The following PARD3 variants were observed in gnomAD, a reference collection of about 807,000 sequenced individuals.
PARD3 encodes par-3 family cell polarity regulator.
A neutral mutation model predicts 155.4 loss-of-function variants in PARD3; 75 were observed. That is an observed-to-expected ratio of 0.48 (90% CI 0.40 to 0.58). The LOEUF is 0.58. Ranked by LOEUF, PARD3 falls within the 20% of genes least tolerant of loss-of-function variation. The pLI, the probability that PARD3 is intolerant of heterozygous loss-of-function variation, is 0.00. For synonymous variants in PARD3, 576 were observed against 610.5 expected (o/e 0.94, Z 0.83); for missense variants, 1,642 against 1,721.7 (o/e 0.95, Z 0.82).
chr10:34,111,020 T>C lies in PARD3; in HGVS notation c.*149A>G, dbSNP rs911903377. The C allele has an allele frequency of 1.1e-5, 9 of 797,830 alleles. No individual in the cohort carries two copies. Among genetic ancestry groups the C allele is most frequent in the Non-Finnish European group, 1.7e-5 (9 of 520,746 alleles). 49.4% of individuals were successfully genotyped at this position (797,830 alleles called of 1,614,324 possible). A position where few individuals can be genotyped will look rare whatever the true frequency, so the allele number is the denominator to read the frequency against. ...GTGGCAAAGACATTAAGGCCTTCCA[T>C]TTCTTTGCCTACACCGCTTAAAGGC... On this transcript the variant is annotated 3_prime_UTR_variant, in exon 25 of 25. Transcript: ENST00000374788.
intron 22 of PARD3, among the ~76,000 whole-genome samples, chr10:34,199,381 C>T (rs1951102491): frequency 6.6e-6 from 1 of 152,140 alleles, no homozygotes; most frequent in Non-Finnish European, 1.5e-5. Flanking sequence ...GGTGACAGGG[C>T]TTAGCCTGGA....
intron 2 of PARD3, among the ~76,000 whole-genome samples, chr10:34,635,272 G>A (rs2092426848): frequency 6.6e-6 from 1 of 152,234 alleles, no homozygotes; most frequent in Non-Finnish European, 1.5e-5. Flanking sequence ...TAAAGGCATA[G>A]GATTTCAAAT....
At position 34,269,677 on chromosome 10, in the gene PARD3, G is replaced by T. The variant is rs75826066; in HGVS notation, c.3399C>A (p.Ser1133=). The T allele has an allele frequency of 6.2e-7, 1 of 1,613,992 alleles. No individual in the cohort carries two copies. Among genetic ancestry groups the T allele is most frequent in the South Asian group, 1.1e-5 (1 of 91,070 alleles). The change falls in exon 22 of 25, where the codon TCC becomes TCA. Residue 1133 remains serine (S), a synonymous_variant. Coordinates refer to ENST00000374788, the MANE Select transcript of PARD3 (RefSeq NM_001184785.2). ...CCTACCTGTCTACAGGTGAGGGTTT[G>T]GAATTCCGCGGCTTCTTGACTTGGG... is the stretch of plus-strand genomic sequence containing the variant. The part of the protein sequence containing the change: ...LYAQVKKPRN[S]KPSPVDSNRS...
At chr10:34,343,924 CCA>C in intron 15 of PARD3, 3 of 981,044 alleles carry the variant, frequency 3.1e-6, no homozygotes, top group Non-Finnish European at 3.6e-6. Context: ...GAAGGTAACA[CCA>C]CACATGATAC....
At chr10:34,792,281 C>T (rs544067415) in intron 1 of PARD3, among the ~76,000 whole-genome samples, 4 of 152,114 alleles carry the variant, frequency 2.6e-5, no homozygotes, top group African/African-American at 4.8e-5. Context: ...TACAAGGTCT[C>T]GCTGTGTTGC....
intron 2 of PARD3, among the ~76,000 whole-genome samples, chr10:34,564,951 T>G: frequency 6.6e-6 from 1 of 152,172 alleles, no homozygotes. Context: ...ATTTTAGAGA[T>G]GGGTAAACTG....
chr10:34,335,998 CTATTTAG>C, intron 18 of PARD3, among the ~76,000 whole-genome samples, 194 bp downstream of exon 18: 1 of 152,142 alleles, frequency 6.6e-6, no homozygotes, highest in African/African-American at 2.4e-5. Flanking sequence ...AATCATATTA[CTATTTAG>C]TAAGTACACC....
At chr10:34,709,778 C>T (rs1400935743) in intron 1 of PARD3, among the ~76,000 whole-genome samples, 1 of 152,120 alleles carries the variant, frequency 6.6e-6, no homozygotes, top group African/African-American at 2.4e-5. Flanking sequence ...CATCCCGGGG[C>T]CTCCTATCTC....
chr10:34,393,735 A>G (rs1843058315), intron 7 of PARD3, among the ~76,000 whole-genome samples: 1 of 152,112 alleles, frequency 6.6e-6, no homozygotes, highest in East Asian at 1.9e-4. Flanking sequence ...TACTTAATTA[A>G]TTAATTTAAA....
At chr10:34,211,360 CAGTT>C (rs1255656638) in intron 22 of PARD3, among the ~76,000 whole-genome samples, 1 of 152,136 alleles carries the variant, frequency 6.6e-6, no homozygotes, top group Admixed American at 6.5e-5. Flanking sequence ...TTTCAGATCA[CAGTT>C]AGGCCAGCGG....
At chr10:34,397,501 T>G (rs1843450874) in intron 7 of PARD3, among the ~76,000 whole-genome samples, 1 of 152,234 alleles carries the variant, frequency 6.6e-6, no homozygotes, top group African/African-American at 2.4e-5. Context: ...ATAAAAGAAC[T>G]TCTAGTTCTG....
rs551837902 is a variant in PARD3 at position 34,482,654 on chromosome 10, C to T, written c.404-12391G>A. On this transcript the variant is annotated intron_variant, in intron 3 of 24. Coordinates refer to ENST00000374788, the MANE Select transcript of PARD3 (RefSeq NM_001184785.2). Reference sequence around the variant, plus strand: ...TTACATACCTGGTACCAGAGACTTTCACTGAGAGAATATTATGGAATTATT... The same window carrying T: ...TTACATACCTGGTACCAGAGACTTTTACTGAGAGAATATTATGGAATTATT... Among the ~76,000 whole-genome samples the T allele has an allele frequency of 2.6e-4, 39 of 152,226 alleles. No homozygotes were observed. In the East Asian group the frequency reaches 7.3e-3, roughly 29 times the overall value.
At chr10:34,751,943 CCT>C (rs1836089358) in intron 1 of PARD3, among the ~76,000 whole-genome samples, 1 of 152,006 alleles carries the variant, frequency 6.6e-6, no homozygotes, top group Non-Finnish European at 1.5e-5. Flanking sequence ...GAATTGTGAG[CCT>C]CTTTCTTTAG....
chr10:34,448,918 C>CTT lies in PARD3; in HGVS notation c.714+1397_714+1398dup, dbSNP rs751029992. On this transcript the variant is annotated intron_variant, in intron 5 of 24. Coordinates refer to ENST00000374788, the MANE Select transcript of PARD3 (RefSeq NM_001184785.2). Reference sequence around the variant, plus strand: ...CTATGTAATGTGATGGATAAATTATCTTTTTTTTTTTTTTTTTTGAGAGAG... The same window carrying CTT: ...CTATGTAATGTGATGGATAAATTATCTTTTTTTTTTTTTTTTTTTTGAGAGAG... Among the ~76,000 whole-genome samples, 605 of 133,764 alleles carry CTT rather than the reference C, an allele frequency of 4.5e-3. 19 individuals are homozygous for CTT. The highest frequency in any genetic ancestry group is 0.014 in the African/African-American group (484 of 33,822). The allele number at this position is 133,764 out of a possible 152,430, so 87.8% of individuals were successfully genotyped here.
At chr10:34,792,114 G>A (rs961917020) in intron 1 of PARD3, among the ~76,000 whole-genome samples, 4 of 152,018 alleles carry the variant, frequency 2.6e-5, no homozygotes, top group Non-Finnish European at 5.9e-5. Context: ...CAGGATGCGC[G>A]CCCACGTGCT....
At chr10:34,809,141 G>A (rs923128653) in intron 1 of PARD3, among the ~76,000 whole-genome samples, 5 of 152,250 alleles carry the variant, frequency 3.3e-5, no homozygotes, top group Admixed American at 3.3e-4. Context: ...GTTTGTGCCA[G>A]TAGGTCAAAC....
At chr10:34,758,106 C>T (rs1769779588) in intron 1 of PARD3, among the ~76,000 whole-genome samples, 1 of 152,146 alleles carries the variant, frequency 6.6e-6, no homozygotes, top group African/African-American at 2.4e-5. Flanking sequence ...CTATGAAATG[C>T]TAGAAAATGC....
intron 22 of PARD3, among the ~76,000 whole-genome samples, chr10:34,254,208 T>C (rs562749261): frequency 2.1e-4 from 32 of 152,024 alleles, no homozygotes; most frequent in East Asian, 1.2e-3. Context: ...GGCGAAACCC[T>C]ATCTCTACTA....
At chr10:34,206,074 T>C (rs887430265) in intron 22 of PARD3, among the ~76,000 whole-genome samples, 8 of 152,154 alleles carry the variant, frequency 5.3e-5, no homozygotes, top group African/African-American at 1.9e-4. Flanking sequence ...TAAAAAACCC[T>C]TTCACATGTA....
Sources: gnomAD v4.1 joint callset for allele counts (sites outside exome capture counted in the v4.1 genomes callset) on GRCh38, gnomAD v4.1.1 for gene constraint, MANE v1.5 for transcripts, NCBI Gene and HGNC (gene_info 2026-07-23, HGNC 2026-07-21) for gene names.